Variants in APIP observed in about 807,000 individuals in gnomAD.
APIP encodes the protein APAF1 interacting protein.
Under a neutral mutation model 32.0 loss-of-function variants are expected in APIP, and 32 were observed. The ratio of observed to expected loss-of-function variants is 1.00; its 90% CI spans 0.76 to 1.34. The LOEUF is 1.34. APIP is among the 40% of genes most tolerant of loss of function. APIP has a pLI of 0.00. For missense variants in APIP, 247 were observed against 298.6 expected (o/e 0.83, Z 1.27); for synonymous variants, 92 against 94.8 (o/e 0.97, Z 0.17).
chr11:34,896,802 G>T (rs2133912780), intron 1 of APIP: 2 of 1,288,122 alleles, frequency 1.6e-6, no homozygotes, highest in Non-Finnish European at 2.0e-6. Flanking sequence ...GTTCCTGAAG[G>T]TATTGCAAAA....
chr11:34,912,719 G>C (rs537084470), intron 1 of APIP, among the ~76,000 whole-genome samples: 2 of 152,314 alleles, frequency 1.3e-5, no homozygotes, highest in Admixed American at 1.3e-4. Context: ...TTGAACACTG[G>C]ACTCCAAGTT....
At chr11:34,908,036 T>C (rs2956121) in intron 1 of APIP, among the ~76,000 whole-genome samples, 90,419 of 151,990 alleles carry the variant, frequency 0.59, 28,109 homozygotes, top group East Asian at 0.74. Context: ...CTCATACAAG[T>C]ATAAAATAAC....
chr11:34,909,452 G>A lies in APIP; in HGVS notation c.57+6776C>T, dbSNP rs187221367. Among the ~76,000 whole-genome samples the A allele has an allele frequency of 3.3e-5, 5 of 152,232 alleles. No homozygotes were observed. In the East Asian group the frequency reaches 7.7e-4, roughly 24 times the overall value. Reference sequence around the variant, plus strand: ...ACGGCAGGGATCAACTTTGATTAACGCAGTCAAGGAAGGCCTCTCTGAGCA... The same window carrying A: ...ACGGCAGGGATCAACTTTGATTAACACAGTCAAGGAAGGCCTCTCTGAGCA... On this transcript the variant is annotated intron_variant, in intron 1 of 6. Coordinates refer to ENST00000395787, the MANE Select transcript of APIP (RefSeq NM_015957.4).
chr11:34,904,101 CAT>C (rs1300404623), intron 1 of APIP, among the ~76,000 whole-genome samples: 1 of 152,218 alleles, frequency 6.6e-6, no homozygotes, highest in African/African-American at 2.4e-5. Context: ...ACTTCACCCA[CAT>C]GTCAAAGACA....
chr11:34,899,734 T>G (rs2133915636), intron 1 of APIP, among the ~76,000 whole-genome samples: 1 of 152,270 alleles, frequency 6.6e-6, no homozygotes, highest in South Asian at 2.1e-4. Flanking sequence ...GTTCCTCTGG[T>G]GCCATGGCTT....
At chr11:34,896,941 G>A (rs1304307302) in intron 1 of APIP, 1 of 551,316 alleles carries the variant, frequency 1.8e-6, no homozygotes, top group African/African-American at 2.0e-5. Flanking sequence ...ACCCCACTGA[G>A]GTCTACCTTC....
chr11:34,908,053 G>A (rs1319386441), intron 1 of APIP, among the ~76,000 whole-genome samples: 1 of 152,150 alleles, frequency 6.6e-6, no homozygotes, highest in East Asian at 1.9e-4. Context: ...TAACATGCAT[G>A]AGATTAGTAA....
chr11:34,915,960 CCT>C (rs1853671183), intron 1 of APIP: 1 of 569,092 alleles, frequency 1.8e-6, no homozygotes, highest in African/African-American at 2.0e-5. Flanking sequence ...TAAACGCTCT[CCT>C]CTCTCAGTTA....
In APIP at chr11:34,888,403, G is replaced by C. The variant is rs1215993161; in HGVS notation, c.351C>G (p.His117Gln). 6.2e-7 allele frequency: 1 copy of C among 1,611,156 alleles called. No homozygotes were observed. Among genetic ancestry groups the C allele is most frequent in the South Asian group, 1.1e-5 (1 of 90,120 alleles). Residue 117 changes from histidine to glutamine, a missense_variant, in exon 5 of 7, where the codon CAC becomes CAG. Coordinates refer to ENST00000395787, the MANE Select transcript of APIP (RefSeq NM_015957.4). ...MRGAGAVIHT[H>Q]SKAAVMATLL... The stretch of plus-strand genomic sequence containing the variant: ...GTGTGGCCATCACAGCAGCTTTAGA[G>C]TGGGTATGAATCACTGCACCTGCTC...
intron 5 of APIP, among the ~76,000 whole-genome samples, chr11:34,886,437 TAAAAAA>T (rs529730563): frequency 6.8e-6 from 1 of 146,376 alleles, no homozygotes; most frequent in Non-Finnish European, 1.5e-5. Flanking sequence ...GTCCAAAAGT[TAAAAAA>T]AAAAAGTAAA....
intron 1 of APIP, among the ~76,000 whole-genome samples, chr11:34,900,573 G>A (rs932090133): frequency 1.4e-4 from 21 of 152,124 alleles, no homozygotes; most frequent in African/African-American, 4.3e-4. Context: ...GGGATGTTAC[G>A]TTGCTGCTAC....
At chr11:34,904,325 AAT>A (rs2079922666) in intron 1 of APIP, among the ~76,000 whole-genome samples, 1 of 152,224 alleles carries the variant, frequency 6.6e-6, no homozygotes, top group Non-Finnish European at 1.5e-5. Context: ...CTAGGCATAG[AAT>A]ATCATCTCCA....
chr11:34,889,880 T>A (rs1416558878), intron 3 of APIP, among the ~76,000 whole-genome samples: 2 of 152,166 alleles, frequency 1.3e-5, no homozygotes, highest in Non-Finnish European at 2.9e-5. Context: ...TTCGCCAGTC[T>A]ACTGTTGATG....
intron 1 of APIP, among the ~76,000 whole-genome samples, chr11:34,905,662 C>A (rs1253658546): frequency 6.6e-6 from 1 of 152,168 alleles, no homozygotes; most frequent in African/African-American, 2.4e-5. Context: ...GAGAGTGCAA[C>A]AAGGGTGATC....
chr11:34,893,452 T>C (rs1029051918), intron 2 of APIP, among the ~76,000 whole-genome samples: 2 of 152,222 alleles, frequency 1.3e-5, no homozygotes, highest in Admixed American at 1.3e-4. Context: ...ACTATATTAC[T>C]GGGACTCAAC....
At chr11:34,887,684 C>T (rs925618423) in intron 5 of APIP, among the ~76,000 whole-genome samples, 7 of 152,108 alleles carry the variant, frequency 4.6e-5, no homozygotes, top group Non-Finnish European at 1.0e-4. Flanking sequence ...AAATGCTTAG[C>T]TTGTCCCTGA....
intron 1 of APIP, among the ~76,000 whole-genome samples, chr11:34,908,584 C>T (rs1031783574): frequency 6.6e-6 from 1 of 152,208 alleles, no homozygotes; most frequent in African/African-American, 2.4e-5. Flanking sequence ...AGACATGGAG[C>T]CTGTTTTTAG....
intron 1 of APIP, 39 bp downstream of exon 1, chr11:34,916,186 TCTC>T (rs1213920883): frequency 2.0e-5 from 32 of 1,594,294 alleles, no homozygotes; most frequent in Non-Finnish European, 2.6e-5. Flanking sequence ...CGCCTGGGCC[TCTC>T]CTCCTGGGAA....
At chr11:34,915,001 CAAAAAAAAAAAA>C (rs33914497) in intron 1 of APIP, among the ~76,000 whole-genome samples, 5 of 76,380 alleles carry the variant, frequency 6.5e-5, no homozygotes, top group East Asian at 4.7e-4. Flanking sequence ...CAAAACGTGT[CAAAAAAAAAAAA>C]AAAAAAAAAA....
Sources: gnomAD v4.1 joint callset for allele counts (sites outside exome capture counted in the v4.1 genomes callset) on GRCh38, gnomAD v4.1.1 for gene constraint, MANE v1.5 for transcripts, NCBI Gene and HGNC (gene_info 2026-07-23, HGNC 2026-07-21) for gene names.